Variants in HSD17B13 observed in about 807,000 individuals in gnomAD.
The protein encoded by HSD17B13 is 17-beta-hydroxysteroid dehydrogenase 13.
HSD17B13 carries 26 observed loss-of-function variants against 31.1 expected under a neutral mutation model. That is an observed-to-expected ratio of 0.84 (90% CI 0.61 to 1.16). The LOEUF (loss-of-function observed/expected upper bound fraction) is 1.16. HSD17B13 is among the 50% of genes most tolerant of loss of function. HSD17B13 has a pLI of 0.00. For missense variants in HSD17B13, 374 were observed against 366.5 expected (o/e 1.02, Z -0.17); for synonymous variants, 141 against 133.7 (o/e 1.05, Z -0.38).
At chr4:87,311,788 ATTAT>A (rs1454653071) in intron 5 of HSD17B13, among the ~76,000 whole-genome samples, 4 of 152,190 alleles carry the variant, frequency 2.6e-5, no homozygotes, top group African/African-American at 9.7e-5. Flanking sequence ...GCTGCAGATT[ATTAT>A]GTGATTGAGT....
At chr4:87,310,187 C>CA (rs59716219) in intron 6 of HSD17B13, 56 bp downstream of exon 6, 620 of 1,365,762 alleles carry the variant, frequency 4.5e-4, no homozygotes, top group East Asian at 2.5e-3. Context: ...AAAAAAAAAG[C>CA]AAAAAAAAAA....
chr4:87,314,622 T>TTCTCTC (rs551629239), intron 4 of HSD17B13, among the ~76,000 whole-genome samples: 32 of 143,082 alleles, frequency 2.2e-4, no homozygotes, highest in African/African-American at 8.7e-4. Flanking sequence ...TAGAGTCGTT[T>TTCTCTC]TCTCTCTCTC....
chr4:87,316,378 C>T (rs561703054), intron 3 of HSD17B13, among the ~76,000 whole-genome samples: 21 of 152,166 alleles, frequency 1.4e-4, no homozygotes, highest in African/African-American at 4.8e-4. Context: ...GCATGGGAGC[C>T]AATTCACATA....
At chr4:87,319,227 G>C (rs1734726806) in intron 1 of HSD17B13, among the ~76,000 whole-genome samples, 3 of 152,190 alleles carry the variant, frequency 2.0e-5, no homozygotes, top group African/African-American at 7.2e-5. Flanking sequence ...AAAATTTCTT[G>C]AGAGTGATTG....
intron 1 of HSD17B13, among the ~76,000 whole-genome samples, chr4:87,322,279 G>A (rs914176591): frequency 2.0e-5 from 3 of 152,142 alleles, no homozygotes; most frequent in Non-Finnish European, 4.4e-5. Flanking sequence ...TTTGTTTGTA[G>A]CTGTAATTTT....
Position 87,318,447 on chromosome 4 carries a change from G to A in HSD17B13, c.211-11C>T. 1 of 1,612,254 alleles carries A rather than the reference G, an allele frequency of 6.2e-7. No individual in the cohort carries two copies. Among genetic ancestry groups the A allele is most frequent in the Non-Finnish European group, 8.5e-7 (1 of 1,178,392 alleles). On this transcript the variant is annotated splice_polypyrimidine_tract_variant and intron_variant, in intron 1 of 6. Coordinates refer to ENST00000328546, the MANE Select transcript of HSD17B13 (RefSeq NM_178135.5). ...TTCCTCCACACCGCGCTGTAATTAG[G>A]AAGAAACAAATTCCGAAAAAAGTGG...
In HSD17B13 at chr4:87,318,383, A is replaced by C; in HGVS notation, c.264T>G (p.His88Gln). ...TGTTGCTGCAGTCTACCACATACGC[A>C]TGCGCAGTGACGCCTAGTTTTCGGC... is the stretch of plus-strand genomic sequence containing the variant. The part of the protein sequence containing the change: ...AECRKLGVTA[H>Q]AYVVDCSNRE... The change falls in exon 2 of 7, where the codon CAT (histidine) becomes CAG (glutamine). Residue 88 changes from histidine to glutamine, a missense_variant. His to Gln is a conservative substitution (Grantham distance 24). Transcript: ENST00000328546. 1 of 1,614,214 alleles carries C rather than the reference A, an allele frequency of 6.2e-7. No individual in the cohort carries two copies.
At chr4:87,320,122 C>T (rs1370610374) in intron 1 of HSD17B13, among the ~76,000 whole-genome samples, 1 of 152,094 alleles carries the variant, frequency 6.6e-6, no homozygotes, top group Non-Finnish European at 1.5e-5. Context: ...AGGCTAAACC[C>T]TGGAGCAGCA....
chr4:87,311,802 T>C (rs1251708337), intron 5 of HSD17B13, among the ~76,000 whole-genome samples: 4 of 152,202 alleles, frequency 2.6e-5, no homozygotes, highest in Non-Finnish European at 4.4e-5. Context: ...TGTGATTGAG[T>C]TCTCCACTGC....
intron 6 of HSD17B13, among the ~76,000 whole-genome samples, chr4:87,308,549 C>T (rs1360482310): frequency 7.6e-6 from 1 of 131,706 alleles, no homozygotes; most frequent in East Asian, 2.4e-4. Context: ...GGCATGGTTG[C>T]AGGCGCCTGT....
chr4:87,310,153 G>A, intron 6 of HSD17B13, 90 bp downstream of exon 6: 1 of 1,419,520 alleles, frequency 7.0e-7, no homozygotes. Context: ...CAGCCAGGGT[G>A]ACAGAGTGAG....
intron 4 of HSD17B13, among the ~76,000 whole-genome samples, chr4:87,314,808 C>T (rs964465430): frequency 3.9e-5 from 6 of 152,156 alleles, no homozygotes; most frequent in African/African-American, 1.4e-4. Context: ...TGTGGGGTTT[C>T]TGTTTCTTAT....
At chr4:87,319,695 T>C (rs1048327267) in intron 1 of HSD17B13, among the ~76,000 whole-genome samples, 6 of 152,216 alleles carry the variant, frequency 3.9e-5, no homozygotes, top group African/African-American at 1.4e-4. Context: ...CTAGGAGATA[T>C]AACATTACAT....
intron 5 of HSD17B13, among the ~76,000 whole-genome samples, chr4:87,312,412 C>T (rs1415524763): frequency 6.6e-6 from 1 of 151,864 alleles, no homozygotes; most frequent in East Asian, 1.9e-4. Flanking sequence ...ATGGCCCCCA[C>T]TATCAGAACA....
At chr4:87,319,609 C>T (rs1435418645) in intron 1 of HSD17B13, among the ~76,000 whole-genome samples, 1 of 152,138 alleles carries the variant, frequency 6.6e-6, no homozygotes, top group Non-Finnish European at 1.5e-5. Context: ...ATGATTCTGA[C>T]TCATCCTCCT....
intron 5 of HSD17B13, among the ~76,000 whole-genome samples, chr4:87,312,472 C>CT (rs1460080878): frequency 1.3e-5 from 2 of 150,538 alleles, no homozygotes; most frequent in Non-Finnish European, 3.0e-5. Context: ...AGGCCTCCGA[C>CT]TGTAGTCTTC....
At chr4:87,317,292 T>C in intron 2 of HSD17B13, 69 bp from the exon 3 acceptor site, 2 of 1,499,078 alleles carry the variant, frequency 1.3e-6, no homozygotes, top group East Asian at 2.3e-5. Context: ...ACCAATATAA[T>C]CCAAAGATGA....
intron 6 of HSD17B13, among the ~76,000 whole-genome samples, chr4:87,308,872 G>T (rs1236355809): frequency 4.5e-5 from 5 of 110,192 alleles, no homozygotes; most frequent in Admixed American, 2.7e-4. Flanking sequence ...AGCTATTAAA[G>T]AAATTAAATT....
intron 1 of HSD17B13, among the ~76,000 whole-genome samples, chr4:87,320,457 G>A (rs10470884): frequency 0.21 from 30,748 of 147,432 alleles, 3,656 homozygotes; most frequent in East Asian, 0.42. Flanking sequence ...CGTCATCTCG[G>A]CTCACTGCAA....
Sources: allele counts gnomAD v4.1 joint callset (sites outside exome capture counted in the v4.1 genomes callset), GRCh38; gene constraint gnomAD v4.1.1; transcripts MANE v1.5; gene names NCBI Gene and HGNC (gene_info 2026-07-23, HGNC 2026-07-21).